The following SLC6A11 variants were observed in gnomAD, a reference collection of about 807,000 sequenced individuals.
SLC6A11 encodes sodium- and chloride-dependent GABA transporter 3.
In SLC6A11, 25 loss-of-function variants were observed where a neutral mutation model predicts 74.8. That is an observed-to-expected ratio of 0.33 (90% CI 0.24 to 0.47). The LOEUF is 0.47. SLC6A11 is among the 20% of genes least tolerant of loss of function. SLC6A11 has a pLI of 1.00. For synonymous variants in SLC6A11, 330 were observed against 330.2 expected (o/e 1.00, Z 0.01); for missense variants, 574 against 837.0 (o/e 0.69, Z 3.88).
intron 4 of SLC6A11, among the ~76,000 whole-genome samples, chr3:10,841,681 A>G (rs1694439357): frequency 6.6e-6 from 1 of 152,130 alleles, no homozygotes; most frequent in Non-Finnish European, 1.5e-5. Context: ...TGTAGAAGAG[A>G]GGGGATCTGA....
chr3:10,878,202 G>C (rs1694933438), intron 6 of SLC6A11, among the ~76,000 whole-genome samples: 1 of 152,108 alleles, frequency 6.6e-6, no homozygotes, highest in Non-Finnish European at 1.5e-5. Context: ...ACTGTCCTCT[G>C]TGAGCTGCCT....
chr3:10,842,438 G>A (rs1048729970), intron 4 of SLC6A11, among the ~76,000 whole-genome samples: 22 of 152,142 alleles, frequency 1.4e-4, no homozygotes, highest in Admixed American at 1.3e-3. Context: ...GGTGCCCAGG[G>A]ATCATGCTCT....
intron 8 of SLC6A11, among the ~76,000 whole-genome samples, chr3:10,921,447 A>G (rs994585981): frequency 1.3e-5 from 2 of 152,208 alleles, no homozygotes; most frequent in African/African-American, 2.4e-5. Context: ...TCTTGGTCCA[A>G]TTGTTTAGAG....
intron 6 of SLC6A11, among the ~76,000 whole-genome samples, chr3:10,878,896 A>G (rs1575686869): frequency 1.3e-5 from 2 of 152,234 alleles, no homozygotes; most frequent in South Asian, 2.1e-4. Flanking sequence ...TTCAATGTCC[A>G]TTTACTTGTT....
At chr3:10,873,977 G>A (rs1009324553) in intron 5 of SLC6A11, among the ~76,000 whole-genome samples, 14 of 136,314 alleles carry the variant, frequency 1.0e-4, no homozygotes, top group African/African-American at 3.4e-4. Flanking sequence ...GCTATGCTAC[G>A]CTACGCTACG....
Position 10,918,177 on chromosome 3 carries a change from C to A in SLC6A11, c.996-152C>A. The A allele has an allele frequency of 1.3e-6, 1 of 775,192 alleles. No homozygotes were observed. Among genetic ancestry groups the A allele is most frequent in the Non-Finnish European group, 1.9e-6 (1 of 529,592 alleles). 48.0% of individuals were successfully genotyped at this position (775,192 alleles called of 1,614,324 possible). A position where few individuals can be genotyped will look rare whatever the true frequency, so the allele number is the denominator to read the frequency against. On this transcript the variant is annotated intron_variant, in intron 7 of 13. Coordinates refer to ENST00000254488, the MANE Select transcript of SLC6A11 (RefSeq NM_014229.3). This position sits in a 1 kb window ranked among gnomAD's most constrained non-coding sequence, Gnocchi z 4.5. Reference sequence around the variant, plus strand: ...GGGCCAGCCACCTAACCTCTCTGAACCATGAGTGCTCCATCAGAAAAACAG... The same window carrying A: ...GGGCCAGCCACCTAACCTCTCTGAAACATGAGTGCTCCATCAGAAAAACAG...
At chr3:10,860,559 G>T (rs1163122499) in intron 5 of SLC6A11, among the ~76,000 whole-genome samples, 1 of 152,200 alleles carries the variant, frequency 6.6e-6, no homozygotes, top group Admixed American at 6.5e-5. Context: ...GAAAATCCAG[G>T]CTAATGAGGC....
At chr3:10,901,628 C>T (rs528284361) in intron 6 of SLC6A11, among the ~76,000 whole-genome samples, 1 of 152,360 alleles carries the variant, frequency 6.6e-6, no homozygotes, top group South Asian at 2.1e-4. Flanking sequence ...GCCTGCCCAG[C>T]ACATTAGCAT....
intron 4 of SLC6A11, among the ~76,000 whole-genome samples, chr3:10,836,226 G>A (rs899122149): frequency 1.3e-5 from 2 of 152,164 alleles, no homozygotes; most frequent in African/African-American, 4.8e-5. Flanking sequence ...ATAAAATACT[G>A]TTGCATGGGT....
At chr3:10,917,904 C>A (rs549723107) in intron 7 of SLC6A11, among the ~76,000 whole-genome samples, 8 of 152,302 alleles carry the variant, frequency 5.3e-5, no homozygotes, top group African/African-American at 1.7e-4. Flanking sequence ...ATGGTTTCTC[C>A]CCTGGCTGAG....
chr3:10,883,940 A>G (rs549291530), intron 6 of SLC6A11, among the ~76,000 whole-genome samples: 108 of 152,254 alleles, frequency 7.1e-4, no homozygotes, highest in African/African-American at 2.5e-3. Flanking sequence ...TGTTCCTAAT[A>G]CCAAGCACTG....
intron 7 of SLC6A11, among the ~76,000 whole-genome samples, chr3:10,913,147 C>G (rs1176787397): frequency 6.7e-6 from 1 of 150,220 alleles, no homozygotes; most frequent in Admixed American, 6.6e-5. Flanking sequence ...TCCCATCTTT[C>G]CACCATAGTT....
chr3:10,881,625 G>A (rs1479833874), intron 6 of SLC6A11, among the ~76,000 whole-genome samples: 1 of 152,210 alleles, frequency 6.6e-6, no homozygotes, highest in East Asian at 1.9e-4. Context: ...TAACCGTGGG[G>A]ATGGCATGTT....
chr3:10,873,434 C>CCTATGCTATG (rs1559566709), intron 5 of SLC6A11, among the ~76,000 whole-genome samples: 1 of 150,486 alleles, frequency 6.6e-6, no homozygotes, highest in African/African-American at 2.5e-5. Context: ...CCTATCCTAT[C>CCTATGCTATG]CTATCCTATC....
At chr3:10,836,773 G>C (rs1231493659) in intron 4 of SLC6A11, among the ~76,000 whole-genome samples, 1 of 152,226 alleles carries the variant, frequency 6.6e-6, no homozygotes, top group African/African-American at 2.4e-5. Flanking sequence ...CAGGACATTG[G>C]AGGATTAGTG....
chr3:10,857,053 C>T (rs963680893), intron 5 of SLC6A11, among the ~76,000 whole-genome samples: 22 of 152,190 alleles, frequency 1.4e-4, no homozygotes, highest in African/African-American at 4.8e-4. Flanking sequence ...AAAGTGCTCT[C>T]TATTTAATGG....
Position 10,823,351 on chromosome 3 carries a change from G to A in SLC6A11, c.582G>A (p.Val194=), listed in dbSNP as rs1362764389. The change falls in exon 4 of 14, where the codon GTG becomes GTA. Residue 194 remains valine, a synonymous_variant. Coordinates refer to ENST00000254488, the MANE Select transcript of SLC6A11 (RefSeq NM_014229.3). ...QKLNVSNYSH[V]SLQNATSPVM... ...TGAATGTGAGCAACTACAGCCATGT[G>A]TCTCTGCAGAATGCCACCTCCCCTG... is the stretch of plus-strand genomic sequence containing the variant. The A allele has an allele frequency of 1.2e-6, 2 of 1,613,984 alleles. No homozygotes were observed. The highest frequency in any genetic ancestry group is 1.1e-5 in the South Asian group (1 of 91,072).
intron 6 of SLC6A11, among the ~76,000 whole-genome samples, chr3:10,903,091 C>T (rs1695260847): frequency 1.3e-5 from 2 of 152,144 alleles, no homozygotes; most frequent in Non-Finnish European, 2.9e-5. Flanking sequence ...CTTACTGGTG[C>T]TTTCGTGGCA....
intron 5 of SLC6A11, among the ~76,000 whole-genome samples, chr3:10,845,389 C>T (rs192029613): frequency 1.1e-3 from 168 of 152,160 alleles, no homozygotes; most frequent in African/African-American, 3.9e-3. Context: ...CTTTTTCTTA[C>T]GAAAAAGAGG....
Sources: allele counts gnomAD v4.1 joint callset (sites outside exome capture counted in the v4.1 genomes callset), GRCh38; gene constraint gnomAD v4.1.1; non-coding constraint Gnocchi (gnomAD v3.1); transcripts MANE v1.5; gene names NCBI Gene and HGNC (gene_info 2026-07-23, HGNC 2026-07-21).